ANKRD12: variants seen among roughly 807,000 people sequenced by gnomAD.
ANKRD12 encodes the protein ankyrin repeat domain 12.
ANKRD12 carries 85 observed loss-of-function variants against 183.4 expected under a neutral mutation model. The ratio of observed to expected loss-of-function variants is 0.46; its 90% confidence interval spans 0.39 to 0.56. The LOEUF (loss-of-function observed/expected upper bound fraction) is 0.56, where lower values mean the gene tolerates loss of function less well. ANKRD12 is among the 20% of genes least tolerant of loss of function. The pLI is 0.00. For missense variants in ANKRD12, 2,405 were observed against 2,357.1 expected, an observed-to-expected ratio of 1.02 and a Z score of -0.42; for synonymous variants, 914 against 800.2, an observed-to-expected ratio of 1.14 and a Z score of -2.40.
At chr18:9,176,118 C>G (rs73392354) in intron 1 of ANKRD12, among the ~76,000 whole-genome samples, 1 of 152,022 alleles carries the variant, frequency 6.6e-6, no homozygotes, top group Non-Finnish European at 1.5e-5. Context: ...TATAACTTAG[C>G]GTTAGTTTAG....
intron 8 of ANKRD12, chr18:9,235,672 C>T (rs1197812471): frequency 2.2e-6 from 1 of 456,272 alleles, no homozygotes; most frequent in South Asian, 1.5e-5. Context: ...ATGCCAAGCT[C>T]AGCGGAGCAA....
chr18:9,173,615 G>T (rs1239500615), intron 1 of ANKRD12, among the ~76,000 whole-genome samples: 1 of 130,378 alleles, frequency 7.7e-6, no homozygotes, highest in Non-Finnish European at 1.7e-5. Context: ...CGGTGGGGTG[G>T]TGGGGGGGGG....
At chr18:9,271,341 T>C (rs1334303786) in intron 10 of ANKRD12, among the ~76,000 whole-genome samples, 3 of 152,034 alleles carry the variant, frequency 2.0e-5, no homozygotes, top group Non-Finnish European at 4.4e-5. Context: ...CTGGCTAACA[T>C]GGTGAAACCC....
intron 1 of ANKRD12, among the ~76,000 whole-genome samples, chr18:9,140,760 C>T (rs1275635462): frequency 1.3e-5 from 2 of 152,042 alleles, no homozygotes; most frequent in Non-Finnish European, 2.9e-5. Context: ...AATTGATAAT[C>T]CTGGAAACCA....
intron 1 of ANKRD12, among the ~76,000 whole-genome samples, chr18:9,153,346 GTTTTC>G (rs2029890200): frequency 6.6e-6 from 1 of 152,132 alleles, no homozygotes; most frequent in South Asian, 2.1e-4. Context: ...TTACTACATT[GTTTTC>G]TTATCTCTGA....
At chr18:9,242,401 A>G (rs1428588256) in intron 8 of ANKRD12, among the ~76,000 whole-genome samples, 1 of 152,204 alleles carries the variant, frequency 6.6e-6, no homozygotes, top group African/African-American at 2.4e-5. Context: ...CTCTCCATAA[A>G]GGGTACATTT....
At chr18:9,199,657 A>G (rs772511620) in intron 3 of ANKRD12, among the ~76,000 whole-genome samples, 1 of 152,194 alleles carries the variant, frequency 6.6e-6, no homozygotes, top group African/African-American at 2.4e-5. Context: ...TCCTGTATTT[A>G]AAATTCCTTT....
intron 1 of ANKRD12, among the ~76,000 whole-genome samples, chr18:9,177,401 T>C (rs2033358046): frequency 6.9e-6 from 1 of 144,452 alleles, no homozygotes; most frequent in African/African-American, 2.6e-5. Context: ...TTAACCATTC[T>C]GGTGGGTGAC....
chr18:9,213,576 G>C (rs2035925978), intron 6 of ANKRD12, among the ~76,000 whole-genome samples: 1 of 151,790 alleles, frequency 6.6e-6, no homozygotes, highest in Admixed American at 6.6e-5. Flanking sequence ...ATGACATAGG[G>C]AATTATTTTC....
chr18:9,186,741 TTTGA>T (rs1223218595), intron 2 of ANKRD12, among the ~76,000 whole-genome samples: 3 of 150,274 alleles, frequency 2.0e-5, no homozygotes, highest in African/African-American at 7.4e-5. Context: ...TGTGTATTTC[TTTGA>T]TTGTCTTTTT....
chr18:9,182,554 G>T, intron 2 of ANKRD12, 35 bp downstream of exon 2: 1 of 1,416,846 alleles, frequency 7.1e-7, no homozygotes, highest in South Asian at 1.3e-5. Flanking sequence ...TTGACTTTTT[G>T]AACTGGGAAA....
At position 9,256,232 on chromosome 18, in the gene ANKRD12, G is replaced by A. The variant is rs35253121; in HGVS notation, c.2965G>A (p.Gly989Ser). 1.7e-4 allele frequency: 279 copies of A among 1,596,386 alleles called. 1 individual carries two copies. The African/African-American group carries it at 2.6e-3, about 15-fold the overall frequency. ...QEEKKSSIVD[G>S]NKAQHEKPLS... ...AGAAAAAAAATCAAGTATAGTAGAC[G>A]GTAATAAAGCACAACATGAAAAACC... The change falls in exon 9 of 13, where the codon GGT (glycine) becomes AGT (serine). Residue 989 changes from glycine to serine, a missense_variant. Around this residue, in one of 7 missense-constraint regions of ANKRD12, gnomAD observed 1,983 missense variants for 1,725.9 expected, o/e 1.15. Coordinates refer to ENST00000262126, the MANE Select transcript of ANKRD12 (RefSeq NM_015208.5).
intron 7 of ANKRD12, 34 bp downstream of exon 7, chr18:9,216,934 T>C (rs1158057705): frequency 6.3e-7 from 1 of 1,597,694 alleles, no homozygotes. Context: ...ATAATACACA[T>C]TTGCAAAATA....
intron 10 of ANKRD12, among the ~76,000 whole-genome samples, chr18:9,275,310 A>G (rs1163883882): frequency 1.3e-5 from 2 of 150,908 alleles, no homozygotes; most frequent in East Asian, 3.9e-4. Flanking sequence ...AAAAATATAT[A>G]TATATATTTT....
At chr18:9,220,419 G>A (rs2036356578) in intron 7 of ANKRD12, among the ~76,000 whole-genome samples, 2 of 152,170 alleles carry the variant, frequency 1.3e-5, no homozygotes, top group Admixed American at 1.3e-4. Flanking sequence ...TAATGGAAAT[G>A]CACAAAATAT....
chr18:9,255,936 A>G lies in ANKRD12; in HGVS notation c.2669A>G (p.Asn890Ser), dbSNP rs1234117040. The G allele has an allele frequency of 7.6e-6, 12 of 1,586,924 alleles. No individual in the cohort carries two copies. Among genetic ancestry groups the G allele is most frequent in the Non-Finnish European group, 1.0e-5 (12 of 1,172,870 alleles). The change falls in exon 9 of 13, where the codon AAT becomes AGT. Residue 890 changes from asparagine (N) to serine (S), a missense_variant. This residue lies in a region of ANKRD12 where 1,983 missense variants were observed against 1,725.9 expected (regional missense o/e 1.15). Coordinates refer to ENST00000262126, the MANE Select transcript of ANKRD12 (RefSeq NM_015208.5). ...CATAAAGAAGGTGAGAAGAGCAAAAATACTGCTGCTATTAAAAAAACTGAC... is the reference window on the plus strand; with the variant it reads ...CATAAAGAAGGTGAGAAGAGCAAAAGTACTGCTGCTATTAAAAAAACTGAC... Reference protein sequence around the residue: ...KCHKEGEKSKNTAAIKKTDDR... With the variant: ...KCHKEGEKSKSTAAIKKTDDR...
At chr18:9,224,155 A>G (rs886324052) in intron 8 of ANKRD12, among the ~76,000 whole-genome samples, 5 of 152,246 alleles carry the variant, frequency 3.3e-5, no homozygotes, top group East Asian at 1.9e-4. Flanking sequence ...ATCCATAAAC[A>G]TCACTGATGA....
At chr18:9,213,446 T>G (rs2144658442) in intron 6 of ANKRD12, among the ~76,000 whole-genome samples, 1 of 152,088 alleles carries the variant, frequency 6.6e-6, no homozygotes, top group East Asian at 1.9e-4. Context: ...GTAAGGATAC[T>G]TGTTACAGCA....
chr18:9,167,479 A>G (rs920439112), intron 1 of ANKRD12, among the ~76,000 whole-genome samples: 7 of 152,254 alleles, frequency 4.6e-5, no homozygotes, highest in East Asian at 3.9e-4. Context: ...CTTTGAAGCA[A>G]TTGTGAATGG....
Sources: allele counts gnomAD v4.1 joint callset (sites outside exome capture counted in the v4.1 genomes callset), GRCh38; gene constraint gnomAD v4.1.1; regional missense constraint gnomAD v4.1.1; transcripts MANE v1.5; gene names NCBI Gene and HGNC (gene_info 2026-07-23, HGNC 2026-07-21).